KCND2: variants seen among roughly 807,000 people sequenced by gnomAD.
The protein encoded by KCND2 is potassium voltage-gated channel subfamily D member 2.
Under a neutral mutation model 54.4 loss-of-function variants are expected in KCND2, and 16 were observed. The ratio of observed to expected loss-of-function variants is 0.29; its 90% confidence interval spans 0.20 to 0.45. The LOEUF (loss-of-function observed/expected upper bound fraction) is 0.45. KCND2 is among the 20% of genes least tolerant of loss of function. The pLI is 1.00. For missense variants in KCND2, 486 were observed against 824.2 expected, an observed-to-expected ratio of 0.59 and a Z score of 5.02; for synonymous variants, 317 against 310.7, an observed-to-expected ratio of 1.02 and a Z score of -0.21.
Position 120,275,157 on chromosome 7 carries a change from C to T in KCND2, c.525C>T (p.Phe175=). Residue 175 remains phenylalanine, a synonymous_variant, in exon 1 of 6, where the codon TTC becomes TTT. Coordinates refer to ENST00000331113, the MANE Select transcript of KCND2 (RefSeq NM_012281.3). ...MTARQRVWRA[F]ENPHTSTMAL... The stretch of plus-strand genomic sequence containing the variant: ...CAAGGCAGAGGGTCTGGAGGGCCTT[C>T]GAGAACCCCCACACCAGCACGATGG... The T allele has an allele frequency of 6.2e-7, 1 of 1,613,990 alleles. No homozygotes were observed.
intron 1 of KCND2, among the ~76,000 whole-genome samples, chr7:120,424,375 A>G (rs1392442289): frequency 6.6e-6 from 1 of 152,216 alleles, no homozygotes; most frequent in Non-Finnish European, 1.5e-5. Context: ...CTGGTTCAGC[A>G]TAAGATCTCC....
chr7:120,447,525 G>T lies in KCND2; in HGVS notation c.1115+171778G>T, dbSNP rs1206275565. On this transcript the variant is annotated intron_variant, in intron 1 of 5. Coordinates refer to ENST00000331113, the MANE Select transcript of KCND2 (RefSeq NM_012281.3). ...AAATTATAGAAGAAATGACTCAGAG[G>T]CCATACATTTTTAAGCATCTGAACC... 2.0e-5 allele frequency among the ~76,000 whole-genome samples: 3 copies of T among 152,076 alleles called. No individual in the cohort carries two copies. In the East Asian group the frequency reaches 5.8e-4, roughly 29 times the overall value.
chr7:120,468,106 GTC>G (rs1802405224), intron 1 of KCND2, among the ~76,000 whole-genome samples: 1 of 152,028 alleles, frequency 6.6e-6, no homozygotes, highest in African/African-American at 2.4e-5. Flanking sequence ...AAACTAATTG[GTC>G]TCTAGGAGAA....
At chr7:120,425,741 C>T (rs1801697288) in intron 1 of KCND2, among the ~76,000 whole-genome samples, 1 of 152,230 alleles carries the variant, frequency 6.6e-6, no homozygotes, top group Non-Finnish European at 1.5e-5. Context: ...ACATTACTCT[C>T]TTCATGAATG....
In KCND2 at chr7:120,742,788, G is replaced by A. The variant is rs560191917; in HGVS notation, c.1467+186G>A. ...GAAAGATGTAATGACATTTCAATTTGGAAAGTATTTTAGAAACTTATTTAA... is the reference window on the plus strand; with the variant it reads ...GAAAGATGTAATGACATTTCAATTTAGAAAGTATTTTAGAAACTTATTTAA... On this transcript the variant is annotated intron_variant, in intron 4 of 5. Transcript: ENST00000331113. Among the ~76,000 whole-genome samples, 4 of 152,238 alleles carry A rather than the reference G, an allele frequency of 2.6e-5. No individual in the cohort carries two copies. The South Asian group carries it at 8.3e-4, about 32-fold the overall frequency.
intron 1 of KCND2, among the ~76,000 whole-genome samples, chr7:120,527,968 CCTAATTGTGGAAA>C (rs1332106929): frequency 6.6e-6 from 1 of 152,046 alleles, no homozygotes; most frequent in Non-Finnish European, 1.5e-5. Context: ...GTTGCTGTGA[CCTAATTGTGGAAA>C]CTGATAAAAT....
intron 1 of KCND2, among the ~76,000 whole-genome samples, chr7:120,579,510 G>T (rs920715477): frequency 1.3e-5 from 2 of 151,762 alleles, no homozygotes; most frequent in Admixed American, 1.3e-4. Flanking sequence ...GCTGAGGCAG[G>T]AGAATTGCTT....
chr7:120,355,261 A>G (rs1344271759), intron 1 of KCND2, among the ~76,000 whole-genome samples: 2 of 152,156 alleles, frequency 1.3e-5, no homozygotes, highest in African/African-American at 4.8e-5. Context: ...TCAATAATTA[A>G]ATGAGGCCAG....
intron 1 of KCND2, among the ~76,000 whole-genome samples, chr7:120,520,975 G>C (rs1309914722): frequency 6.6e-6 from 1 of 152,134 alleles, no homozygotes; most frequent in African/African-American, 2.4e-5. Flanking sequence ...TACTCACTTA[G>C]TAAGCAATCT....
intron 1 of KCND2, among the ~76,000 whole-genome samples, chr7:120,395,004 A>T (rs1311557437): frequency 6.6e-6 from 1 of 152,026 alleles, no homozygotes; most frequent in Non-Finnish European, 1.5e-5. Context: ...CAAATTAAGG[A>T]TACCAAGTTT....
chr7:120,716,034 C>T (rs187291876), intron 1 of KCND2, among the ~76,000 whole-genome samples: 81 of 152,102 alleles, frequency 5.3e-4, no homozygotes, highest in African/African-American at 1.9e-3. Flanking sequence ...CTTTTTTACT[C>T]GGTAAGGCTA....
chr7:120,544,891 G>A (rs1324568740), intron 1 of KCND2, among the ~76,000 whole-genome samples: 4 of 151,848 alleles, frequency 2.6e-5, no homozygotes, highest in Non-Finnish European at 5.9e-5. Flanking sequence ...GTCTAAGACT[G>A]CTGAGAATTC....
chr7:120,685,916 T>C (rs1486242500), intron 1 of KCND2, among the ~76,000 whole-genome samples: 2 of 152,178 alleles, frequency 1.3e-5, no homozygotes, highest in East Asian at 3.9e-4. Flanking sequence ...CCTTTATCTA[T>C]GTCCCTTTGA....
At chr7:120,717,658 T>A (rs1792619921) in intron 1 of KCND2, among the ~76,000 whole-genome samples, 1 of 152,072 alleles carries the variant, frequency 6.6e-6, no homozygotes, top group African/African-American at 2.4e-5. Flanking sequence ...TTACTCCACC[T>A]ACTTGTAAGA....
At chr7:120,387,298 G>A (rs1270517944) in intron 1 of KCND2, among the ~76,000 whole-genome samples, 1 of 151,958 alleles carries the variant, frequency 6.6e-6, no homozygotes, top group African/African-American at 2.4e-5. Context: ...AAATATTTTG[G>A]TATAAATCAA....
At chr7:120,340,181 A>G (rs1284430534) in intron 1 of KCND2, among the ~76,000 whole-genome samples, 1 of 152,236 alleles carries the variant, frequency 6.6e-6, no homozygotes, top group Non-Finnish European at 1.5e-5. Flanking sequence ...CATAGAAGAA[A>G]GAAAACCAGT....
intron 1 of KCND2, among the ~76,000 whole-genome samples, chr7:120,497,367 G>A (rs1305954718): frequency 2.6e-5 from 4 of 152,154 alleles, no homozygotes; most frequent in African/African-American, 7.2e-5. Context: ...TCTTGGGGAC[G>A]CATACGTGCT....
intron 1 of KCND2, among the ~76,000 whole-genome samples, chr7:120,689,446 A>T (rs1216170765): frequency 6.6e-6 from 1 of 152,180 alleles, no homozygotes; most frequent in Admixed American, 6.5e-5. Context: ...GATTTCATAG[A>T]TTGCTTTCCT....
At chr7:120,451,793 G>A (rs898575566) in intron 1 of KCND2, among the ~76,000 whole-genome samples, 1 of 152,150 alleles carries the variant, frequency 6.6e-6, no homozygotes, top group East Asian at 1.9e-4. Context: ...TGTAACTCGT[G>A]TGTTCTCAAC....
Sources: gnomAD v4.1 joint callset for allele counts (sites outside exome capture counted in the v4.1 genomes callset) on GRCh38, gnomAD v4.1.1 for gene constraint, MANE v1.5 for transcripts, NCBI Gene and HGNC (gene_info 2026-07-23, HGNC 2026-07-21) for gene names.